NRG1: variants seen among roughly 807,000 people sequenced by gnomAD.
NRG1 encodes the protein neuregulin 1.
A neutral mutation model predicts 63.8 loss-of-function variants in NRG1; 18 were observed. The observed-to-expected ratio is 0.28, with a 90% CI of 0.19 to 0.42. The LOEUF is 0.42. Among genes scored for constraint, NRG1 ranks in the 10% least tolerant of loss-of-function variants. NRG1 has a pLI of 1.00. For missense variants in NRG1, 762 were observed against 814.7 expected (o/e 0.94, Z 0.79); for synonymous variants, 302 against 301.3 (o/e 1.00, Z -0.02).
chr8:32,576,493 T>G (rs1210297694), intron 1 of NRG1, among the ~76,000 whole-genome samples: 1 of 152,178 alleles, frequency 6.6e-6, no homozygotes, highest in African/African-American at 2.4e-5. Flanking sequence ...TTTTCAGAAG[T>G]GAAATTAAGT....
chr8:31,709,233 C>A (rs1811493918), intron 1 of NRG1, among the ~76,000 whole-genome samples: 2 of 145,662 alleles, frequency 1.4e-5, no homozygotes, highest in South Asian at 4.3e-4. Flanking sequence ...AAACCTTTTT[C>A]ATCTATGGAA....
At chr8:31,857,109 G>A (rs1040187924) in intron 1 of NRG1, among the ~76,000 whole-genome samples, 1 of 152,230 alleles carries the variant, frequency 6.6e-6, no homozygotes, top group African/African-American at 2.4e-5. Flanking sequence ...TACAGAGGCA[G>A]GCAGGCCTCC....
At chr8:32,600,452 T>A (rs117715236) in intron 2 of NRG1, among the ~76,000 whole-genome samples, 2,532 of 152,150 alleles carry the variant, frequency 0.017, 32 homozygotes, top group Non-Finnish European at 0.028. Flanking sequence ...AGCCTGTAAC[T>A]ATGGTAGAAT....
At chr8:31,819,741 C>A (rs1237097184) in intron 1 of NRG1, among the ~76,000 whole-genome samples, 5 of 152,148 alleles carry the variant, frequency 3.3e-5, no homozygotes, top group African/African-American at 1.2e-4. Context: ...TGACCTGAGC[C>A]AATTTCCTCT....
chr8:32,143,658 G>A lies in NRG1; in HGVS notation c.38-452170G>A, dbSNP rs190816944. Among the ~76,000 whole-genome samples the A allele has an allele frequency of 1.3e-3, 193 of 152,374 alleles. 1 individual carries two copies. The highest frequency in any genetic ancestry group is 4.4e-3 in the African/African-American group (185 of 41,596). ...ACAGGGTGATGAAATGTGAGAAGCAGTGAGGGCAAGGACTTGAGCCTGGTG... is the reference window on the plus strand; with the variant it reads ...ACAGGGTGATGAAATGTGAGAAGCAATGAGGGCAAGGACTTGAGCCTGGTG... On this transcript the variant is annotated intron_variant, in intron 1 of 10. Transcript: ENST00000519301.
chr8:32,614,363 C>T (rs910772856), intron 3 of NRG1, 151 bp from the exon 4 acceptor site: 1 of 572,032 alleles, frequency 1.7e-6, no homozygotes, highest in Non-Finnish European at 3.1e-6. Flanking sequence ...CTGCATTTCT[C>T]ACTCTCTGTA....
At chr8:32,520,993 A>C (rs1638957917) in intron 1 of NRG1, among the ~76,000 whole-genome samples, 1 of 152,230 alleles carries the variant, frequency 6.6e-6, no homozygotes, top group African/African-American at 2.4e-5. Flanking sequence ...ATAGCCCCAA[A>C]GTACAAGAGT....
intron 1 of NRG1, among the ~76,000 whole-genome samples, chr8:32,245,525 G>A (rs559229849): frequency 1.3e-5 from 2 of 152,230 alleles, no homozygotes; most frequent in East Asian, 3.9e-4. Context: ...TGCAATTTAT[G>A]AAACTGTATA....
rs544800258 is a variant in NRG1 at position 32,412,297 on chromosome 8, A to G, written c.38-183531A>G. Among the ~76,000 whole-genome samples, 5 of 151,482 alleles carry G rather than the reference A, an allele frequency of 3.3e-5. No individual in the cohort carries two copies. In the East Asian group the frequency reaches 9.7e-4, roughly 29 times the overall value. The stretch of plus-strand genomic sequence containing the variant: ...TTCAGATTTAGACTGAAACTACACT[A>G]TCAGCATTCCTGAGTCTCCAAATTG... On this transcript the variant is annotated intron_variant, in intron 1 of 10. Coordinates refer to the NRG1 transcript ENST00000519301.
chr8:32,368,520 CTAATT>C (rs1226474142), intron 1 of NRG1, among the ~76,000 whole-genome samples: 1 of 152,152 alleles, frequency 6.6e-6, no homozygotes, highest in East Asian at 1.9e-4. Context: ...CCATTGCACT[CTAATT>C]TAAGCAACAG....
intron 1 of NRG1, among the ~76,000 whole-genome samples, chr8:32,447,090 T>C (rs1820354211): frequency 6.6e-6 from 1 of 151,904 alleles, no homozygotes. Flanking sequence ...CTCAGCTCAC[T>C]GCAACCTCCA....
chr8:32,533,370 T>C lies in NRG1; in HGVS notation c.38-62458T>C, dbSNP rs563392779. Among the ~76,000 whole-genome samples the C allele has an allele frequency of 2.1e-3, 324 of 152,246 alleles. 1 individual carries two copies. Among genetic ancestry groups the C allele is most frequent in the Non-Finnish European group, 3.8e-3 (261 of 67,922 alleles). ...AAATGGATTTAATTAGTTATGTAGC[T>C]ATAAAATACCTTAAATTTTTTTAGG... On this transcript the variant is annotated intron_variant, in intron 1 of 10. Transcript: ENST00000519301.
intron 1 of NRG1, among the ~76,000 whole-genome samples, chr8:31,653,937 A>T (rs1015387358): frequency 5.7e-5 from 8 of 140,296 alleles, no homozygotes; most frequent in African/African-American, 2.1e-4. Flanking sequence ...TGCTGACTTA[A>T]TTGAGTTTCA....
chr8:32,760,252 G>A (rs1234524089), exon 11 of NRG1: 14 of 1,613,876 alleles, frequency 8.7e-6, no homozygotes, highest in South Asian at 3.3e-5. Context: ...CTCTGTAATC[G>A]TGATGTCATC....
At chr8:32,689,612 A>G (rs1811064789) in intron 5 of NRG1, among the ~76,000 whole-genome samples, 1 of 152,210 alleles carries the variant, frequency 6.6e-6, no homozygotes, top group South Asian at 2.1e-4. Flanking sequence ...AGCAAATTAC[A>G]TATATACATA....
intron 1 of NRG1, among the ~76,000 whole-genome samples, chr8:31,886,656 G>A (rs1335037309): frequency 1.3e-5 from 2 of 152,052 alleles, no homozygotes; most frequent in East Asian, 3.9e-4. Context: ...TGGCTCTTAA[G>A]TAATTTTTAA....
intron 5 of NRG1, among the ~76,000 whole-genome samples, chr8:32,725,770 A>T (rs1237474818): frequency 6.6e-6 from 1 of 151,996 alleles, no homozygotes; most frequent in Non-Finnish European, 1.5e-5. Context: ...CACCGTACCC[A>T]GCCCATTTCC....
chr8:31,860,746 A>G (rs940867907), intron 1 of NRG1, among the ~76,000 whole-genome samples: 19 of 152,312 alleles, frequency 1.2e-4, no homozygotes, highest in African/African-American at 3.6e-4. Context: ...TTCAAAAGCC[A>G]GATTTATATA....
rs1394279259 is a variant in NRG1, at chr8:32,402,362, T to C, written c.38-193466T>C. On this transcript the variant is annotated intron_variant, in intron 1 of 10. Transcript: ENST00000519301. ...AATAGGTGCAGTGGGCCCCCTCTGA[T>C]TCGTGGCTTTGATTTCTTTGGTTTC... Among the ~76,000 whole-genome samples the C allele has an allele frequency of 2.0e-5, 3 of 152,312 alleles. No individual in the cohort carries two copies. The East Asian group carries it at 5.8e-4, about 29-fold the overall frequency.
Sources: allele counts gnomAD v4.1 joint callset (sites outside exome capture counted in the v4.1 genomes callset), GRCh38; gene constraint gnomAD v4.1.1; transcripts MANE v1.5; gene names NCBI Gene and HGNC (gene_info 2026-07-23, HGNC 2026-07-21).